The following TAFA2 variants were observed in gnomAD, a reference collection of about 807,000 sequenced individuals.
The protein encoded by TAFA2 is TAFA chemokine like family member 2.
A neutral mutation model predicts 18.8 loss-of-function variants in TAFA2; 7 were observed. That is an observed-to-expected ratio of 0.37 (90% CI 0.21 to 0.70). The LOEUF (loss-of-function observed/expected upper bound fraction) is 0.70. Ranked by LOEUF, TAFA2 falls within the 30% of genes least tolerant of loss-of-function variation. The pLI, the probability that TAFA2 is intolerant of heterozygous loss-of-function variation, is 0.53. For missense variants in TAFA2, 122 were observed against 158.1 expected, an observed-to-expected ratio of 0.77 and a Z score of 1.23; for synonymous variants, 60 against 54.2, an observed-to-expected ratio of 1.11 and a Z score of -0.47.
At chr12:61,896,195 A>G (rs1240620778) in intron 1 of TAFA2, among the ~76,000 whole-genome samples, 6 of 152,130 alleles carry the variant, frequency 3.9e-5, no homozygotes, top group Non-Finnish European at 8.8e-5. Context: ...TCATTTCTTT[A>G]TTTTATTTAA....
At chr12:62,004,355 C>T (rs1268941904) in intron 1 of TAFA2, among the ~76,000 whole-genome samples, 2 of 152,162 alleles carry the variant, frequency 1.3e-5, no homozygotes, top group East Asian at 1.9e-4. Context: ...ACCAGCACTG[C>T]TCTGATATGG....
chr12:61,886,075 G>A (rs1875363308), intron 1 of TAFA2, among the ~76,000 whole-genome samples: 1 of 152,146 alleles, frequency 6.6e-6, no homozygotes, highest in Non-Finnish European at 1.5e-5. Flanking sequence ...TTGGTTAATA[G>A]GCTATGCTTT....
At chr12:62,215,891 A>G (rs2062733615) in intron 1 of TAFA2, among the ~76,000 whole-genome samples, 2 of 152,112 alleles carry the variant, frequency 1.3e-5, no homozygotes, top group African/African-American at 4.8e-5. Flanking sequence ...ATGAGCATCA[A>G]ATGAAATTTT....
At chr12:61,885,518 A>G (rs367978559) in intron 1 of TAFA2, among the ~76,000 whole-genome samples, 8 of 152,206 alleles carry the variant, frequency 5.3e-5, no homozygotes, top group African/African-American at 1.9e-4. Context: ...TGATAATACA[A>G]TTAAGTTTTA....
At chr12:62,048,742 TAATA>T (rs1270002516) in intron 1 of TAFA2, among the ~76,000 whole-genome samples, 3 of 152,174 alleles carry the variant, frequency 2.0e-5, no homozygotes, top group African/African-American at 7.2e-5. Flanking sequence ...GTTAATAGAT[TAATA>T]AAATGGAGAA....
chr12:62,068,985 G>C (rs1392664234), intron 1 of TAFA2, among the ~76,000 whole-genome samples: 2 of 152,096 alleles, frequency 1.3e-5, no homozygotes, highest in African/African-American at 4.8e-5. Context: ...TGTTCTTAAA[G>C]TTTCCTGTGT....
At chr12:62,088,555 C>T (rs548537456) in intron 1 of TAFA2, among the ~76,000 whole-genome samples, 76 of 134,556 alleles carry the variant, frequency 5.6e-4, no homozygotes, top group South Asian at 7.0e-4. Context: ...TTTTATGCTA[C>T]GAAGAGATAG....
At chr12:62,157,834 G>T (rs1200325975) in intron 1 of TAFA2, among the ~76,000 whole-genome samples, 2 of 151,988 alleles carry the variant, frequency 1.3e-5, no homozygotes, top group African/African-American at 2.4e-5. Context: ...GGGTTTATTT[G>T]TGTCTCTTAC....
intron 2 of TAFA2, among the ~76,000 whole-genome samples, chr12:61,812,548 A>G (rs1450947117): frequency 6.6e-6 from 1 of 151,054 alleles, no homozygotes; most frequent in Non-Finnish European, 1.5e-5. Flanking sequence ...AACATGAACA[A>G]TAAAATTATA....
At chr12:62,149,830 A>G (rs1461498253) in intron 1 of TAFA2, among the ~76,000 whole-genome samples, 1 of 152,170 alleles carries the variant, frequency 6.6e-6, no homozygotes, top group African/African-American at 2.4e-5. Context: ...CTTGGCCTTT[A>G]TCAGAGGTTG....
chr12:61,839,460 T>A (rs1281871365), intron 2 of TAFA2, among the ~76,000 whole-genome samples: 7 of 152,066 alleles, frequency 4.6e-5, no homozygotes, highest in African/African-American at 1.7e-4. Flanking sequence ...TGCATGTTTA[T>A]CATAACACTA....
At chr12:61,749,312 C>T (rs768399315) in intron 4 of TAFA2, among the ~76,000 whole-genome samples, 4 of 151,830 alleles carry the variant, frequency 2.6e-5, no homozygotes, top group Non-Finnish European at 5.9e-5. Flanking sequence ...CATAACTGTA[C>T]ACTACTCATT....
intron 1 of TAFA2, among the ~76,000 whole-genome samples, chr12:62,185,866 C>A (rs1327737182): frequency 6.6e-6 from 1 of 152,126 alleles, no homozygotes; most frequent in Non-Finnish European, 1.5e-5. Context: ...TCTCTTTGTT[C>A]TATCACTAGG....
chr12:61,737,005 T>C (rs1456247956), intron 4 of TAFA2, among the ~76,000 whole-genome samples: 1 of 151,980 alleles, frequency 6.6e-6, no homozygotes, highest in East Asian at 1.9e-4. Context: ...ATAGAGATAG[T>C]AATGTGAAAG....
chr12:62,104,022 C>T (rs909891071), intron 1 of TAFA2, among the ~76,000 whole-genome samples: 1 of 152,164 alleles, frequency 6.6e-6, no homozygotes, highest in Admixed American at 6.5e-5. Flanking sequence ...ATAAATCATT[C>T]CTGTACCACA....
At chr12:62,128,622 TC>T (rs1870560244) in intron 1 of TAFA2, among the ~76,000 whole-genome samples, 3 of 152,070 alleles carry the variant, frequency 2.0e-5, no homozygotes, top group Admixed American at 2.0e-4. Context: ...CCCTTCCCTG[TC>T]CCTGACATCT....
At chr12:61,757,959 G>T (rs1248591484) in intron 2 of TAFA2, among the ~76,000 whole-genome samples, 1 of 151,896 alleles carries the variant, frequency 6.6e-6, no homozygotes, top group Non-Finnish European at 1.5e-5. Flanking sequence ...ATTATGCATG[G>T]GCAGCTGAGT....
intron 1 of TAFA2, among the ~76,000 whole-genome samples, chr12:62,212,014 T>G (rs552749813): frequency 2.0e-4 from 30 of 152,350 alleles, no homozygotes; most frequent in African/African-American, 7.0e-4. Flanking sequence ...CAGTAGTAAC[T>G]TTATTATTAG....
chr12:61,717,640 G>A (rs1869719780), intron 4 of TAFA2, among the ~76,000 whole-genome samples: 1 of 152,132 alleles, frequency 6.6e-6, no homozygotes, highest in Non-Finnish European at 1.5e-5. Context: ...CCTTGGGTGA[G>A]TGGAAAGAGT....
Sources: allele counts gnomAD v4.1 joint callset (sites outside exome capture counted in the v4.1 genomes callset), GRCh38; gene constraint gnomAD v4.1.1; transcripts MANE v1.5; gene names NCBI Gene and HGNC (gene_info 2026-07-23, HGNC 2026-07-21).